Variants in ATP13A4 observed in about 807,000 individuals in gnomAD.
ATP13A4 encodes the protein ATPase 13A4, also known as probable cation-transporting ATPase 13A4.
Under a neutral mutation model 142.5 loss-of-function variants are expected in ATP13A4, and 114 were observed. That is an observed-to-expected ratio of 0.80 (90% CI 0.69 to 0.93). ATP13A4 has a LOEUF of 0.93. ATP13A4 is among the 40% of genes least tolerant of loss of function. The probability of loss-of-function intolerance (pLI) is 0.00; values close to 1 mark genes in which losing one functional copy is unlikely to be tolerated. For missense variants in ATP13A4, 1,392 were observed against 1,454.0 expected, an observed-to-expected ratio of 0.96 and a Z score of 0.69; for synonymous variants, 488 against 514.8, an observed-to-expected ratio of 0.95 and a Z score of 0.70.
At chr3:193,524,157 C>T (rs150466174) in intron 1 of ATP13A4, among the ~76,000 whole-genome samples, 129 of 152,268 alleles carry the variant, frequency 8.5e-4, no homozygotes, top group African/African-American at 3.0e-3. Flanking sequence ...ATGAAATGGA[C>T]TAAGACAATG....
chr3:193,412,378 G>C lies in ATP13A4; in HGVS notation c.3015-7C>G. On this transcript the variant is annotated splice_polypyrimidine_tract_variant and splice_region_variant and intron_variant, in intron 26 of 29. Coordinates refer to ENST00000342695, the MANE Select transcript of ATP13A4 (RefSeq NM_032279.4). ...ATTTTGTACTGTGCAGGCACTAAAA[G>C]GGAAAACCAAAGAAGCTAATGAAGT... 6.2e-7 allele frequency: 1 copy of C among 1,613,704 alleles called. No individual in the cohort carries two copies.
At chr3:193,458,530 T>G in intron 14 of ATP13A4, 1 of 162,472 alleles carries the variant, frequency 6.2e-6, no homozygotes, top group Non-Finnish European at 1.4e-5. Context: ...AAAGCCAGAT[T>G]CCTGAACGAC....
chr3:193,519,979 C>G (rs547577720), intron 1 of ATP13A4, among the ~76,000 whole-genome samples: 1 of 152,088 alleles, frequency 6.6e-6, no homozygotes, highest in Non-Finnish European at 1.5e-5. Flanking sequence ...TTTCTGTTTC[C>G]TCCTTTCTGC....
intron 2 of ATP13A4, among the ~76,000 whole-genome samples, chr3:193,581,080 A>G (rs1196454188): frequency 6.6e-6 from 1 of 152,236 alleles, no homozygotes; most frequent in African/African-American, 2.4e-5. Flanking sequence ...TCTGACATGA[A>G]TATGGGTTGT....
intron 21 of ATP13A4, 48 bp from the exon 22 acceptor site, chr3:193,439,113 T>G (rs1429131777): frequency 6.6e-7 from 1 of 1,515,018 alleles, no homozygotes; most frequent in South Asian, 1.1e-5. Context: ...CCTATCTTGC[T>G]AATTTCTCTA....
upstream of ATP13A4, among the ~76,000 whole-genome samples, chr3:193,556,702 C>A (rs1468959178): frequency 6.6e-6 from 1 of 151,882 alleles, no homozygotes; most frequent in East Asian, 1.9e-4. Context: ...TCACTGAACT[C>A]TATACTTTAA....
chr3:193,583,489 A>G (rs1379527002), intron 1 of ATP13A4, among the ~76,000 whole-genome samples: 5 of 152,080 alleles, frequency 3.3e-5, no homozygotes, highest in Non-Finnish European at 7.4e-5. Context: ...AAACAAGATG[A>G]TAGCTGTAAA....
chr3:193,457,329 G>C, intron 15 of ATP13A4, 50 bp downstream of exon 15: 1 of 1,602,740 alleles, frequency 6.2e-7, no homozygotes, highest in South Asian at 1.1e-5. Flanking sequence ...GGCCAGAAGA[G>C]TTTCTCTTTG....
chr3:193,530,173 T>C (rs933731424), intron 1 of ATP13A4, among the ~76,000 whole-genome samples: 2 of 152,210 alleles, frequency 1.3e-5, no homozygotes, highest in Non-Finnish European at 1.5e-5. Flanking sequence ...CTATGCTTTC[T>C]CACCCCTATG....
At chr3:193,455,340 CAAAA>C (rs71179306) in intron 16 of ATP13A4, among the ~76,000 whole-genome samples, 3 of 75,560 alleles carry the variant, frequency 4.0e-5, no homozygotes, top group African/African-American at 1.1e-4. Flanking sequence ...GACTCCGTCT[CAAAA>C]AAAAAAAAAA....
At chr3:193,539,498 G>T (rs1310041032) in intron 1 of ATP13A4, among the ~76,000 whole-genome samples, 1 of 152,218 alleles carries the variant, frequency 6.6e-6, no homozygotes. Flanking sequence ...CTAAAACCTG[G>T]CTGGAGAAAG....
chr3:193,519,626 A>ATTTTTTTTTTTTTTTTT (rs147173408), intron 1 of ATP13A4, among the ~76,000 whole-genome samples: 3 of 69,010 alleles, frequency 4.3e-5, no homozygotes, highest in African/African-American at 7.0e-5. Context: ...GCAATTTGTA[A>ATTTTTTTTTTTTTTTTT]TTTTTTTTTT....
intron 25 of ATP13A4, among the ~76,000 whole-genome samples, chr3:193,422,032 A>T (rs7647549): frequency 0.54 from 80,128 of 148,818 alleles, 23,449 homozygotes; most frequent in Non-Finnish European, 0.58. Flanking sequence ...AGACTCATCT[A>T]CATAATGCCT....
At chr3:193,559,653 G>A (rs370421147), upstream of ATP13A4, among the ~76,000 whole-genome samples, 8 of 152,298 alleles carry the variant, frequency 5.3e-5, 1 homozygote, top group South Asian at 1.7e-3. Context: ...ATTAATTACA[G>A]AAGAAAAGAG....
chr3:193,593,071 G>C, exon 1 of ATP13A4: 2 of 376,658 alleles, frequency 5.3e-6, no homozygotes, highest in Non-Finnish European at 9.5e-6. Context: ...GCGGGGCCCC[G>C]TGAGAGGCGA....
chr3:193,525,670 C>G (rs886746056), intron 1 of ATP13A4, among the ~76,000 whole-genome samples: 1 of 152,182 alleles, frequency 6.6e-6, no homozygotes, highest in African/African-American at 2.4e-5. Context: ...GTGCCAGACA[C>G]TGGGTTGAAG....
At chr3:193,571,857 A>AAAT (rs1162350043) in intron 2 of ATP13A4, among the ~76,000 whole-genome samples, 2 of 152,104 alleles carry the variant, frequency 1.3e-5, no homozygotes, top group Non-Finnish European at 2.9e-5. Context: ...CTGTGAAATA[A>AAAT]AATAATAATA....
intron 2 of ATP13A4, among the ~76,000 whole-genome samples, chr3:193,564,553 G>GCAGT (rs1209114791): frequency 2.6e-5 from 4 of 152,164 alleles, no homozygotes; most frequent in Non-Finnish European, 5.9e-5. Flanking sequence ...AGTAAAGGCT[G>GCAGT]CAGTCATCTT....
At chr3:193,566,919 T>C (rs1343798610) in intron 2 of ATP13A4, among the ~76,000 whole-genome samples, 1 of 152,228 alleles carries the variant, frequency 6.6e-6, no homozygotes, top group Admixed American at 6.5e-5. Flanking sequence ...ATACCTAACA[T>C]GAATGTTTGC....
Sources: allele counts gnomAD v4.1 joint callset (sites outside exome capture counted in the v4.1 genomes callset), GRCh38; gene constraint gnomAD v4.1.1; transcripts MANE v1.5; gene names NCBI Gene and HGNC (gene_info 2026-07-23, HGNC 2026-07-21).